EFCAB13: variants seen among roughly 807,000 people sequenced by gnomAD.
The protein encoded by EFCAB13 is EF-hand calcium-binding domain-containing protein 13.
A neutral mutation model predicts 110.2 loss-of-function variants in EFCAB13; 91 were observed. The observed-to-expected ratio is 0.83, with a 90% CI of 0.70 to 0.98. The LOEUF (loss-of-function observed/expected upper bound fraction) is 0.98, where lower values mean the gene tolerates loss of function less well. Among genes scored for constraint, EFCAB13 ranks in the 50% least tolerant of loss-of-function variants. The pLI, the probability that EFCAB13 is intolerant of heterozygous loss-of-function variation, is 0.00. For missense variants in EFCAB13, 968 were observed against 1,119.4 expected, an observed-to-expected ratio of 0.86 and a Z score of 1.93; for synonymous variants, 323 against 369.9, an observed-to-expected ratio of 0.87 and a Z score of 1.45.
At chr17:47,324,800 A>G (rs1026665142) in intron 2 of EFCAB13, among the ~76,000 whole-genome samples, 1 of 150,914 alleles carries the variant, frequency 6.6e-6, no homozygotes, top group Non-Finnish European at 1.5e-5. Flanking sequence ...TCACAGCCCC[A>G]TTTTCCTCTC....
chr17:47,350,314 A>G (rs1210226057), intron 9 of EFCAB13, among the ~76,000 whole-genome samples: 3 of 152,130 alleles, frequency 2.0e-5, no homozygotes, highest in African/African-American at 7.2e-5. Context: ...TCTATCTCTG[A>G]TCTCTAGTTT....
At chr17:47,351,926 G>T in intron 9 of EFCAB13, among the ~76,000 whole-genome samples, 1 of 143,078 alleles carries the variant, frequency 7.0e-6, no homozygotes, top group East Asian at 2.1e-4. Context: ...TTTTTAGATG[G>T]AGTCTCGCTC....
chr17:47,347,576 A>G (rs1410819108), intron 8 of EFCAB13, among the ~76,000 whole-genome samples: 1 of 152,164 alleles, frequency 6.6e-6, no homozygotes, highest in Non-Finnish European at 1.5e-5. Flanking sequence ...GCCTTTGCCT[A>G]TGTGCCCTTG....
At chr17:47,423,762 T>C (rs2143501842) in intron 23 of EFCAB13, among the ~76,000 whole-genome samples, 1 of 151,994 alleles carries the variant, frequency 6.6e-6, no homozygotes, top group South Asian at 2.1e-4. Flanking sequence ...GTGCAGCACC[T>C]GAAGCGGTGG....
In EFCAB13 at chr17:47,441,140, TG is replaced by T. The variant is rs537122558; in HGVS notation, c.*427del. On this transcript the variant is annotated 3_prime_UTR_variant, in exon 25 of 25. Transcript: ENST00000331493. ...TGCCTTTTGTGGAATATCATGTAAA[TG>T]ATTAAATATGAAGTGGTTTGAGTTT... 1.6e-3 allele frequency: 248 copies of T among 153,374 alleles called. 1 individual carries two copies. The highest frequency in any genetic ancestry group is 1.3e-3 in the Non-Finnish European group (92 of 68,828). 9.5% of individuals were successfully genotyped at this position (153,374 alleles called of 1,614,324 possible). A position where few individuals can be genotyped will look rare whatever the true frequency, so the allele number is the denominator to read the frequency against.
chr17:47,377,705 A>G, intron 12 of EFCAB13, 61 bp from the exon 13 acceptor site: 1 of 1,389,240 alleles, frequency 7.2e-7, no homozygotes, highest in Middle Eastern at 2.5e-4. Flanking sequence ...GATTTTGAGT[A>G]TTATTGCTTT....
chr17:47,351,304 T>TGC (rs71141904), intron 9 of EFCAB13, among the ~76,000 whole-genome samples: 1,609 of 122,990 alleles, frequency 0.013, 36 homozygotes, highest in African/African-American at 0.039. Context: ...TGTGTGTGTG[T>TGC]GCGCGCGCGC....
In EFCAB13 at chr17:47,324,801, T is replaced by C. The variant is rs1324201018; in HGVS notation, c.-248+278T>C. Reference sequence around the variant, plus strand: ...CTCATCTTAAAGCCTCACAGCCCCATTTTCCTCTCAGCTACTGCCTTATTT... The same window carrying C: ...CTCATCTTAAAGCCTCACAGCCCCACTTTCCTCTCAGCTACTGCCTTATTT... On this transcript the variant is annotated intron_variant, in intron 2 of 24. Coordinates refer to ENST00000331493, the MANE Select transcript of EFCAB13 (RefSeq NM_152347.5). Among the ~76,000 whole-genome samples the C allele has an allele frequency of 4.0e-5, 6 of 151,264 alleles. No homozygotes were observed. The East Asian group carries it at 1.2e-3, about 30-fold the overall frequency.
intron 17 of EFCAB13, among the ~76,000 whole-genome samples, chr17:47,397,781 G>C (rs939054805): frequency 6.7e-6 from 1 of 149,824 alleles, no homozygotes; most frequent in African/African-American, 2.5e-5. Context: ...CCTGGCAACC[G>C]CCCGTCTGAG....
At chr17:47,425,945 C>T (rs1567807579) in intron 23 of EFCAB13, among the ~76,000 whole-genome samples, 1 of 152,180 alleles carries the variant, frequency 6.6e-6, no homozygotes, top group South Asian at 2.1e-4. Context: ...TAAGAGAGAG[C>T]GAGCACAATG....
At chr17:47,378,503 A>G (rs879239622) in intron 13 of EFCAB13, among the ~76,000 whole-genome samples, 9 of 152,166 alleles carry the variant, frequency 5.9e-5, no homozygotes, top group African/African-American at 1.2e-4. Context: ...TTTTGGGGAA[A>G]GACTGATTGG....
At chr17:47,367,939 C>T (rs995585658) in intron 10 of EFCAB13, among the ~76,000 whole-genome samples, 2 of 152,114 alleles carry the variant, frequency 1.3e-5, no homozygotes, top group African/African-American at 4.8e-5. Context: ...GGACTAGACT[C>T]GTTGCATATC....
chr17:47,352,954 T>C (rs1051280112), intron 9 of EFCAB13, among the ~76,000 whole-genome samples: 2 of 152,232 alleles, frequency 1.3e-5, no homozygotes, highest in African/African-American at 2.4e-5. Flanking sequence ...CAAATTTGTT[T>C]ATCAAATCTC....
intron 8 of EFCAB13, among the ~76,000 whole-genome samples, chr17:47,347,071 C>A (rs192463035): frequency 1.1e-4 from 17 of 152,196 alleles, no homozygotes; most frequent in African/African-American, 4.1e-4. Flanking sequence ...CCAGCCTGGG[C>A]AATATAGTGA....
chr17:47,347,305 C>T (rs2065422694), intron 8 of EFCAB13, among the ~76,000 whole-genome samples: 2 of 152,120 alleles, frequency 1.3e-5, no homozygotes, highest in Non-Finnish European at 2.9e-5. Flanking sequence ...ATAGCACTAT[C>T]ATCAATTGCC....
chr17:47,399,762 A>T (rs1342060651), intron 17 of EFCAB13, among the ~76,000 whole-genome samples: 1 of 151,972 alleles, frequency 6.6e-6, no homozygotes, highest in Admixed American at 6.5e-5. Context: ...ATTTAAAATT[A>T]AAAAATAATT....
Position 47,424,874 on chromosome 17 carries a change from C to CTTTTTTTTTTTTTTTTTTTTTTTTT in EFCAB13, c.2495-4942_2495-4918dup, listed in dbSNP as rs548271723. On this transcript the variant is annotated intron_variant, in intron 23 of 24. Transcript: ENST00000331493. ...AGGATTTCTTTCTCCGGTTGACAAT[C>CTTTTTTTTTTTTTTTTTTTTTTTTT]TTTTTTTTTTTTTTTTTTTTTTTTT... Among the ~76,000 whole-genome samples the CTTTTTTTTTTTTTTTTTTTTTTTTT allele has an allele frequency of 8.1e-5, 3 of 36,898 alleles. 1 individual carries two copies. Among genetic ancestry groups the CTTTTTTTTTTTTTTTTTTTTTTTTT allele is most frequent in the Non-Finnish European group, 1.5e-4 (3 of 19,746 alleles). 24.2% of individuals were successfully genotyped at this position (36,898 alleles called of 152,430 possible). A position where few individuals can be genotyped will look rare whatever the true frequency, so the allele number is the denominator to read the frequency against.
chr17:47,414,473 A>T (rs527661545), intron 22 of EFCAB13, among the ~76,000 whole-genome samples: 1 of 151,286 alleles, frequency 6.6e-6, no homozygotes, highest in Non-Finnish European at 1.5e-5. Context: ...AGATTGCGCC[A>T]CTGCACTCCA....
chr17:47,408,352 G>A (rs1414245704), intron 20 of EFCAB13, among the ~76,000 whole-genome samples: 1 of 152,088 alleles, frequency 6.6e-6, no homozygotes, highest in Non-Finnish European at 1.5e-5. Context: ...TTTAGCTTCA[G>A]CTGAAAAATG....
Sources: allele counts gnomAD v4.1 joint callset (sites outside exome capture counted in the v4.1 genomes callset), GRCh38; gene constraint gnomAD v4.1.1; transcripts MANE v1.5; gene names NCBI Gene and HGNC (gene_info 2026-07-23, HGNC 2026-07-21).